RASSF3: variants seen among roughly 807,000 people sequenced by gnomAD.
RASSF3 encodes Ras association domain family member 3.
RASSF3 carries 19 observed loss-of-function variants against 19.9 expected under a neutral mutation model. The observed-to-expected ratio is 0.96, with a 90% confidence interval of 0.67 to 1.40. The LOEUF (loss-of-function observed/expected upper bound fraction) is 1.40. RASSF3 is among the 40% of genes most tolerant of loss of function. RASSF3 has a pLI of 0.00. For missense variants in RASSF3, 306 were observed against 289.8 expected (o/e 1.06, Z -0.41); for synonymous variants, 110 against 104.2 (o/e 1.06, Z -0.34).
At chr12:64,624,172 CA>C (rs1414409125) in intron 1 of RASSF3, among the ~76,000 whole-genome samples, 2 of 151,906 alleles carry the variant, frequency 1.3e-5, no homozygotes, top group East Asian at 3.8e-4. Flanking sequence ...GCAAACCTAG[CA>C]CCGATATCAA....
Position 64,696,063 on chromosome 12 carries a change from C to A in RASSF3, c.*1151C>A, listed in dbSNP as rs1354323650. On this transcript the variant is annotated 3_prime_UTR_variant, in exon 5 of 5. Transcript: ENST00000542104. ...CCTTTTTTCTTTCCTTCCCTGCTGT[C>A]TCCCACCCTACCTTGTTCTTTTCCT... The A allele has an allele frequency of 6.7e-6, 1 of 149,192 alleles. No homozygotes were observed. Among genetic ancestry groups the A allele is most frequent in the African/African-American group, 2.5e-5 (1 of 40,016 alleles). 9.2% of individuals were successfully genotyped at this position (149,192 alleles called of 1,614,324 possible).
At position 64,652,256 on chromosome 12, in the gene RASSF3, A is replaced by G. The variant is rs1167012543; in HGVS notation, c.112-32531A>G. Among the ~76,000 whole-genome samples the G allele has an allele frequency of 2.6e-5, 4 of 152,156 alleles. No homozygotes were observed. The East Asian group carries it at 7.7e-4, about 29-fold the overall frequency. The stretch of plus-strand genomic sequence containing the variant: ...ATGTAATCTTCTTAATAGATATTAT[A>G]CTTAATTTTGCTTTAAAGACAATGT... On this transcript the variant is annotated intron_variant, in intron 1 of 4. Coordinates refer to ENST00000542104, the MANE Select transcript of RASSF3 (RefSeq NM_178169.4).
At chr12:64,575,797 A>G (rs1040867186) in intron 2 of RASSF3, 1 of 151,828 alleles carries the variant, frequency 6.6e-6, no homozygotes, top group Non-Finnish European at 1.5e-5. Context: ...GGAAGACTCC[A>G]TATGTCAATA....
In RASSF3 at chr12:64,660,695, A is replaced by G. The variant is rs116304948; in HGVS notation, c.112-24092A>G. Reference sequence around the variant, plus strand: ...CAGTGGCTAAAATAATGTATACTCAATGCAGAAGACTTGGAAATTGGAAAA... The same window carrying G: ...CAGTGGCTAAAATAATGTATACTCAGTGCAGAAGACTTGGAAATTGGAAAA... On this transcript the variant is annotated intron_variant, in intron 1 of 4. Coordinates refer to ENST00000542104, the MANE Select transcript of RASSF3 (RefSeq NM_178169.4). Among the ~76,000 whole-genome samples the G allele has an allele frequency of 3.3e-3, 498 of 152,332 alleles. 5 individuals carry two copies. Among genetic ancestry groups the G allele is most frequent in the African/African-American group, 0.012 (481 of 41,570 alleles).
chr12:64,667,104 G>T (rs911562576), intron 1 of RASSF3, among the ~76,000 whole-genome samples: 1 of 151,992 alleles, frequency 6.6e-6, no homozygotes, highest in Non-Finnish European at 1.5e-5. Flanking sequence ...AAATGGGGGG[G>T]TGTGGAGAAG....
At chr12:64,610,884 T>A in intron 1 of RASSF3, 141 bp downstream of exon 1, 1 of 509,256 alleles carries the variant, frequency 2.0e-6, no homozygotes, top group East Asian at 3.6e-5. Flanking sequence ...GAGAAGTGGC[T>A]TCTGCCTTTT....
intron 2 of RASSF3, among the ~76,000 whole-genome samples, chr12:64,566,294 T>A (rs770122088): frequency 6.6e-6 from 1 of 152,240 alleles, no homozygotes; most frequent in Non-Finnish European, 1.5e-5. Context: ...TCTGCTTTTA[T>A]TCACCAAGGA....
At chr12:64,540,582 A>G (rs1481612936) in intron 1 of RASSF3, among the ~76,000 whole-genome samples, 2 of 152,252 alleles carry the variant, frequency 1.3e-5, no homozygotes, top group Non-Finnish European at 2.9e-5. Flanking sequence ...AATGTGTTAC[A>G]TTCATATAAA....
At chr12:64,580,334 G>T (rs1047455766) in intron 2 of RASSF3, among the ~76,000 whole-genome samples, 1 of 152,078 alleles carries the variant, frequency 6.6e-6, no homozygotes, top group African/African-American at 2.4e-5. Flanking sequence ...GTAGCAGTTA[G>T]CAAAACTTTC....
intron 1 of RASSF3, among the ~76,000 whole-genome samples, chr12:64,538,729 T>C (rs746938031): frequency 2.0e-5 from 3 of 152,200 alleles, no homozygotes; most frequent in Non-Finnish European, 2.9e-5. Flanking sequence ...TATATCCTTA[T>C]CTTTTTTCTA....
At chr12:64,688,479 T>C in intron 3 of RASSF3, 26 bp downstream of exon 3, 1 of 1,504,296 alleles carries the variant, frequency 6.6e-7, no homozygotes, top group Non-Finnish European at 9.3e-7. Flanking sequence ...AAAAGGAAAA[T>C]GGTCTGTGCT....
At chr12:64,622,507 G>A (rs774218481) in intron 1 of RASSF3, 6 of 530,816 alleles carry the variant, frequency 1.1e-5, no homozygotes, top group Admixed American at 1.9e-5. Flanking sequence ...GAAAGGAATC[G>A]GCATTGGCAT....
At chr12:64,634,622 G>A (rs1266587605) in intron 1 of RASSF3, among the ~76,000 whole-genome samples, 1 of 151,860 alleles carries the variant, frequency 6.6e-6, no homozygotes, top group African/African-American at 2.4e-5. Flanking sequence ...CTAGCCCTGC[G>A]TGGTGACAGG....
chr12:64,646,536 A>G (rs1422233478), intron 1 of RASSF3, among the ~76,000 whole-genome samples: 1 of 152,246 alleles, frequency 6.6e-6, no homozygotes, highest in Admixed American at 6.5e-5. Flanking sequence ...ATTCAGATGT[A>G]GTATTTATTT....
At chr12:64,616,193 C>CA (rs1870545622) in intron 1 of RASSF3, among the ~76,000 whole-genome samples, 1 of 152,120 alleles carries the variant, frequency 6.6e-6, no homozygotes, top group South Asian at 2.1e-4. Context: ...AAAAAGTTTC[C>CA]AGTCCTATAA....
At chr12:64,620,233 G>T (rs1412237351) in intron 1 of RASSF3, among the ~76,000 whole-genome samples, 1 of 152,044 alleles carries the variant, frequency 6.6e-6, no homozygotes, top group Admixed American at 6.6e-5. Flanking sequence ...TTAGCTTGAT[G>T]TCATCAAGAT....
chr12:64,683,989 G>GGAGAGA (rs60696217), intron 1 of RASSF3, among the ~76,000 whole-genome samples: 1 of 121,184 alleles, frequency 8.3e-6, no homozygotes, highest in African/African-American at 2.8e-5. Flanking sequence ...AGGGAGAGAA[G>GGAGAGA]GAGAGAGAGA....
intron 1 of RASSF3, among the ~76,000 whole-genome samples, chr12:64,636,865 CA>C (rs762865541): frequency 0.021 from 1,341 of 63,504 alleles, 18 homozygotes; most frequent in East Asian, 0.1. Context: ...AACTCCGTCT[CA>C]AAAAAAAAAA....
intron 2 of RASSF3, among the ~76,000 whole-genome samples, chr12:64,559,579 C>T (rs7309436): frequency 0.46 from 70,464 of 151,630 alleles, 18,723 homozygotes; most frequent in Non-Finnish European, 0.6. Context: ...CCTTGTGGGT[C>T]CATTTTCCTT....
Sources: allele counts gnomAD v4.1 joint callset (sites outside exome capture counted in the v4.1 genomes callset), GRCh38; gene constraint gnomAD v4.1.1; transcripts MANE v1.5; gene names NCBI Gene and HGNC (gene_info 2026-07-23, HGNC 2026-07-21).